The following THSD7B variants were observed in gnomAD, a reference collection of about 807,000 sequenced individuals.
THSD7B encodes thrombospondin type 1 domain containing 7B.
THSD7B carries 138 observed loss-of-function variants against 213.6 expected under a neutral mutation model. That is an observed-to-expected ratio of 0.65 (90% confidence interval 0.56 to 0.74). The LOEUF is 0.74. Ranked by LOEUF, THSD7B falls within the 30% of genes least tolerant of loss-of-function variation. THSD7B has a pLI of 0.00. For synonymous variants in THSD7B, 742 were observed against 687.0 expected (o/e 1.08, Z -1.25); for missense variants, 1,931 against 1,991.5 (o/e 0.97, Z 0.58).
intron 20 of THSD7B, among the ~76,000 whole-genome samples, chr2:137,640,877 G>A (rs1319991816): frequency 6.6e-6 from 1 of 152,164 alleles, no homozygotes; most frequent in East Asian, 1.9e-4. Flanking sequence ...AGGCACAGAA[G>A]TATAAACCTT....
chr2:137,188,269 G>A (rs910276166), intron 7 of THSD7B, among the ~76,000 whole-genome samples: 1 of 152,150 alleles, frequency 6.6e-6, no homozygotes. Context: ...CCTGCCAAGA[G>A]CTCCTTCTCC....
At chr2:136,930,649 A>T (rs1391350293) in intron 2 of THSD7B, among the ~76,000 whole-genome samples, 2 of 152,208 alleles carry the variant, frequency 1.3e-5, no homozygotes, top group Non-Finnish European at 2.9e-5. Flanking sequence ...TTGTGACTTT[A>T]GAGAGATGTT....
intron 12 of THSD7B, among the ~76,000 whole-genome samples, chr2:137,280,226 T>C (rs997660903): frequency 2.0e-5 from 3 of 152,168 alleles, no homozygotes; most frequent in African/African-American, 7.2e-5. Flanking sequence ...AACTGGGATC[T>C]CCAAGATTTG....
At chr2:137,362,282 C>T (rs1443916387) in intron 12 of THSD7B, among the ~76,000 whole-genome samples, 2 of 152,086 alleles carry the variant, frequency 1.3e-5, no homozygotes, top group Non-Finnish European at 2.9e-5. Context: ...CAAAAACATG[C>T]CAAATTGTAA....
chr2:136,773,770 G>A (rs1461608607), intron 1 of THSD7B, among the ~76,000 whole-genome samples: 1 of 151,860 alleles, frequency 6.6e-6, no homozygotes, highest in African/African-American at 2.4e-5. Context: ...CCTTTTAACG[G>A]TACATACCAG....
chr2:137,531,208 A>G (rs1285558806), intron 15 of THSD7B, among the ~76,000 whole-genome samples: 1 of 151,964 alleles, frequency 6.6e-6, no homozygotes, highest in African/African-American at 2.4e-5. Flanking sequence ...GAAGAATAGC[A>G]CTCAATTAAT....
intron 11 of THSD7B, among the ~76,000 whole-genome samples, chr2:137,273,502 G>A (rs955460141): frequency 2.0e-5 from 3 of 151,944 alleles, no homozygotes; most frequent in African/African-American, 7.2e-5. Flanking sequence ...AATAATATAG[G>A]TTTTATCGGC....
intron 1 of THSD7B, among the ~76,000 whole-genome samples, chr2:136,848,787 T>C (rs1258187067): frequency 6.6e-6 from 1 of 152,186 alleles, no homozygotes; most frequent in Non-Finnish European, 1.5e-5. Flanking sequence ...CATGTTAAAT[T>C]GAACAAGACT....
At chr2:137,430,585 T>A (rs1013609609) in intron 14 of THSD7B, among the ~76,000 whole-genome samples, 3 of 152,230 alleles carry the variant, frequency 2.0e-5, no homozygotes, top group Non-Finnish European at 2.9e-5. Context: ...ACTCTGGCCC[T>A]AACTTACCTT....
rs368781810 is a variant in THSD7B, at chr2:137,659,699, C to T, written c.4411C>T (p.Arg1471Trp). 2.4e-5 allele frequency: 39 copies of T among 1,604,840 alleles called. No homozygotes were observed. Among genetic ancestry groups the T allele is most frequent in the Admixed American group, 1.7e-4 (10 of 58,936 alleles). Residue 1471 changes from arginine to tryptophan, a missense_variant, in exon 25 of 28, where the codon CGG (arginine) becomes TGG (tryptophan). Transcript: ENST00000409968. Reference protein sequence around the residue: ...CSPQARPAAIRQCIPACRKPF... With the variant: ...CSPQARPAAIWQCIPACRKPF... ...CCCTCAGGCCCGTCCTGCTGCCATTCGGCAGTGCATTCCAGCCTGCAGAAA... is the reference window on the plus strand; with the variant it reads ...CCCTCAGGCCCGTCCTGCTGCCATTTGGCAGTGCATTCCAGCCTGCAGAAA...
At chr2:137,107,490 C>A (rs935072963) in intron 4 of THSD7B, among the ~76,000 whole-genome samples, 1 of 152,172 alleles carries the variant, frequency 6.6e-6, no homozygotes, top group Admixed American at 6.5e-5. Flanking sequence ...CCCTATGTAA[C>A]AAACCTGCAC....
chr2:137,092,057 A>G (rs1261646416), intron 3 of THSD7B, among the ~76,000 whole-genome samples: 2 of 152,222 alleles, frequency 1.3e-5, no homozygotes, highest in Non-Finnish European at 2.9e-5. Flanking sequence ...TGAATTGAAC[A>G]GTAACAATGA....
intron 3 of THSD7B, among the ~76,000 whole-genome samples, chr2:137,072,502 G>A (rs1197044194): frequency 6.6e-6 from 1 of 151,986 alleles, no homozygotes; most frequent in African/African-American, 2.4e-5. Flanking sequence ...GGAGATTTTG[G>A]GCTGAGATGA....
chr2:137,647,108 C>G (rs1303960131), intron 21 of THSD7B, among the ~76,000 whole-genome samples: 2 of 152,094 alleles, frequency 1.3e-5, no homozygotes, highest in Non-Finnish European at 2.9e-5. Flanking sequence ...CCCAGCTGAC[C>G]CATAAGCCCA....
intron 1 of THSD7B, among the ~76,000 whole-genome samples, chr2:136,798,449 A>G (rs1185344578): frequency 1.3e-5 from 2 of 151,856 alleles, no homozygotes; most frequent in East Asian, 3.9e-4. Flanking sequence ...GAAAGATCTC[A>G]GTATTCCTTA....
At chr2:136,907,750 G>GA (rs1271603890) in intron 2 of THSD7B, among the ~76,000 whole-genome samples, 1 of 152,182 alleles carries the variant, frequency 6.6e-6, no homozygotes, top group African/African-American at 2.4e-5. Context: ...CTCAGATACT[G>GA]ACAAATTGGC....
At chr2:137,386,422 C>G (rs532017941) in intron 12 of THSD7B, among the ~76,000 whole-genome samples, 3 of 152,204 alleles carry the variant, frequency 2.0e-5, no homozygotes, top group Non-Finnish European at 4.4e-5. Context: ...AGCTGTGCAG[C>G]TGAACTGAGG....
chr2:137,349,668 C>A (rs941637515), intron 12 of THSD7B, among the ~76,000 whole-genome samples: 1 of 151,784 alleles, frequency 6.6e-6, no homozygotes. Context: ...CATTTTGAGA[C>A]CATTTTTCTT....
chr2:137,032,664 A>G (rs1405417792), intron 2 of THSD7B, among the ~76,000 whole-genome samples: 3 of 152,208 alleles, frequency 2.0e-5, no homozygotes, highest in Non-Finnish European at 4.4e-5. Context: ...CCTGATAATG[A>G]TAAACCTGAG....
Sources: gnomAD v4.1 joint callset for allele counts (sites outside exome capture counted in the v4.1 genomes callset) on GRCh38, gnomAD v4.1.1 for gene constraint, MANE v1.5 for transcripts, NCBI Gene and HGNC (gene_info 2026-07-23, HGNC 2026-07-21) for gene names.